The following RERE variants were observed in gnomAD, a reference collection of about 807,000 sequenced individuals.
RERE encodes the protein arginine-glutamic acid dipeptide repeats protein.
A neutral mutation model predicts 146.1 loss-of-function variants in RERE; 40 were observed. The ratio of observed to expected loss-of-function variants is 0.27; its 90% CI spans 0.21 to 0.36. The LOEUF is 0.36. Among genes scored for constraint, RERE ranks in the 10% least tolerant of loss-of-function variants. The probability of loss-of-function intolerance (pLI) is 1.00; values close to 1 mark genes in which losing one functional copy is unlikely to be tolerated. For synonymous variants in RERE, 1,003 were observed against 866.0 expected, an observed-to-expected ratio of 1.16 and a Z score of -2.78; for missense variants, 1,933 against 2,138.7, an observed-to-expected ratio of 0.90 and a Z score of 1.90.
intron 12 of RERE, among the ~76,000 whole-genome samples, chr1:8,390,244 C>A (rs1018361438): frequency 2.6e-5 from 4 of 152,150 alleles, no homozygotes; most frequent in Non-Finnish European, 5.9e-5. Context: ...GCAGAGACCC[C>A]ACTCCAGACA....
chr1:8,729,658 C>T (rs994686684), intron 1 of RERE, among the ~76,000 whole-genome samples: 1 of 152,130 alleles, frequency 6.6e-6, no homozygotes, highest in Non-Finnish European at 1.5e-5. Context: ...AAAAAGACTG[C>T]CAACAGCAAA....
intron 12 of RERE, among the ~76,000 whole-genome samples, chr1:8,404,643 T>C (rs1307130427): frequency 1.3e-5 from 2 of 152,204 alleles, no homozygotes; most frequent in East Asian, 1.9e-4. Flanking sequence ...CCCACAGTAA[T>C]TGTTGACTAA....
chr1:8,498,976 TA>T (rs945876724), intron 8 of RERE, among the ~76,000 whole-genome samples: 2 of 151,932 alleles, frequency 1.3e-5, no homozygotes, highest in South Asian at 2.1e-4. Context: ...AAAAAGAATT[TA>T]AAAAAATATT....
chr1:8,590,595 G>C (rs947676303), intron 4 of RERE, among the ~76,000 whole-genome samples: 7 of 152,068 alleles, frequency 4.6e-5, no homozygotes, highest in Non-Finnish European at 8.8e-5. Context: ...TAGTGCCTCT[G>C]GTATTCTCAT....
At chr1:8,811,912 A>C (rs1003687384) in intron 1 of RERE, among the ~76,000 whole-genome samples, 1 of 152,206 alleles carries the variant, frequency 6.6e-6, no homozygotes, top group Non-Finnish European at 1.5e-5. Context: ...AAGGCGCCAC[A>C]AACTCCTCCT....
intron 1 of RERE, among the ~76,000 whole-genome samples, chr1:8,753,016 T>C (rs1449506333): frequency 1.3e-5 from 2 of 152,200 alleles, no homozygotes; most frequent in Non-Finnish European, 2.9e-5. Context: ...ATCAATATTA[T>C]TTTAATTTTT....
intron 4 of RERE, among the ~76,000 whole-genome samples, chr1:8,560,496 GA>G (rs1057293838): frequency 1.2e-4 from 19 of 152,186 alleles, no homozygotes; most frequent in Admixed American, 9.8e-4. Flanking sequence ...CTACTGGAAA[GA>G]AGATGGGAAG....
chr1:8,486,245 G>C (rs1318789722), intron 10 of RERE, among the ~76,000 whole-genome samples: 1 of 152,126 alleles, frequency 6.6e-6, no homozygotes, highest in African/African-American at 2.4e-5. Context: ...AGAGCAAGTT[G>C]ATGGCAAGTA....
intron 1 of RERE, among the ~76,000 whole-genome samples, chr1:8,668,924 C>CTGTGTGTG (rs58718828): frequency 0.024 from 2,040 of 83,504 alleles, 187 homozygotes; most frequent in Admixed American, 0.054. Flanking sequence ...GCACTAAACT[C>CTGTGTGTG]TGTGTGTGTG....
chr1:8,463,452 G>GCAAAA (rs1403360686), intron 11 of RERE, among the ~76,000 whole-genome samples: 1 of 152,156 alleles, frequency 6.6e-6, no homozygotes, highest in Non-Finnish European at 1.5e-5. Flanking sequence ...TTTCTGATGT[G>GCAAAA]CAAAACTTCC....
Position 8,776,155 on chromosome 1 carries a change from AAC to A in RERE, c.-145+41003_-145+41004del, listed in dbSNP as rs140105982. ...AATTCTTCATCTGTTTATCATTCAT[AAC>A]ACAGTAATCATTCTTCCTATTTTCA... On this transcript the variant is annotated intron_variant, in intron 1 of 22. Coordinates refer to ENST00000400908, the MANE Select transcript of RERE (RefSeq NM_001042681.2). Among the ~76,000 whole-genome samples the A allele has an allele frequency of 8.3e-3, 1,271 of 152,338 alleles. 8 individuals carry two copies. The highest frequency in any genetic ancestry group is 0.014 in the Non-Finnish European group (972 of 68,034).
intron 6 of RERE, among the ~76,000 whole-genome samples, chr1:8,555,798 T>A (rs999554318): frequency 3.3e-5 from 5 of 152,148 alleles, no homozygotes; most frequent in African/African-American, 7.2e-5. Flanking sequence ...TCATGGTCAT[T>A]TTTTTGACAT....
chr1:8,440,806 A>C (rs867991859), intron 11 of RERE, among the ~76,000 whole-genome samples: 1 of 151,182 alleles, frequency 6.6e-6, no homozygotes, highest in African/African-American at 2.4e-5. Context: ...CTGAGGCAGG[A>C]GAATCGCTTG....
At chr1:8,424,530 G>A (rs2124475354) in intron 11 of RERE, 1 of 152,352 alleles carries the variant, frequency 6.6e-6, no homozygotes, top group African/African-American at 2.4e-5. Flanking sequence ...GCACAAGAAA[G>A]CAGCAAGCTC....
At chr1:8,466,283 T>C (rs1425303440) in intron 10 of RERE, among the ~76,000 whole-genome samples, 2 of 152,258 alleles carry the variant, frequency 1.3e-5, no homozygotes, top group East Asian at 3.9e-4. Context: ...TTCCCCTATA[T>C]TCCCATAAAG....
At chr1:8,387,105 A>G (rs1355142699) in intron 12 of RERE, among the ~76,000 whole-genome samples, 5 of 152,230 alleles carry the variant, frequency 3.3e-5, no homozygotes, top group African/African-American at 1.2e-4. Context: ...TCCTAAAGCT[A>G]GACAGTGAAG....
At chr1:8,519,516 G>C (rs1645464152) in intron 7 of RERE, among the ~76,000 whole-genome samples, 1 of 152,108 alleles carries the variant, frequency 6.6e-6, no homozygotes, top group African/African-American at 2.4e-5. Context: ...TAATTCCTTA[G>C]TTTCCTCATC....
intron 7 of RERE, among the ~76,000 whole-genome samples, chr1:8,523,104 G>C (rs990251499): frequency 6.6e-6 from 1 of 151,762 alleles, no homozygotes; most frequent in Non-Finnish European, 1.5e-5. Context: ...CCTTAGCCTA[G>C]GGAGGTCCCC....
At chr1:8,429,669 C>T (rs1644067316) in intron 11 of RERE, among the ~76,000 whole-genome samples, 1 of 152,206 alleles carries the variant, frequency 6.6e-6, no homozygotes, top group African/African-American at 2.4e-5. Context: ...GTCAGAAACT[C>T]ACCATGACTT....
Sources: allele counts gnomAD v4.1 joint callset (sites outside exome capture counted in the v4.1 genomes callset), GRCh38; gene constraint gnomAD v4.1.1; transcripts MANE v1.5; gene names NCBI Gene and HGNC (gene_info 2026-07-23, HGNC 2026-07-21).